RABL3: variants seen among roughly 807,000 people sequenced by gnomAD.
RABL3 encodes RAB, member of RAS oncogene family like 3, also known as rab-like protein 3.
A neutral mutation model predicts 31.8 loss-of-function variants in RABL3; 31 were observed. That is an observed-to-expected ratio of 0.97 (90% CI 0.73 to 1.31). The LOEUF (loss-of-function observed/expected upper bound fraction) is 1.31, where lower values mean the gene tolerates loss of function less well. Ranked by LOEUF, RABL3 falls within the 40% of genes most tolerant of loss-of-function variation. The probability of loss-of-function intolerance (pLI) is 0.00; values close to 1 mark genes in which losing one functional copy is unlikely to be tolerated. For synonymous variants in RABL3, 97 were observed against 99.9 expected, an observed-to-expected ratio of 0.97 and a Z score of 0.18; for missense variants, 263 against 279.6, an observed-to-expected ratio of 0.94 and a Z score of 0.42.
rs780004304 is a variant in RABL3, at chr3:120,709,959, G to C, written c.139-50C>G. 32 of 1,359,902 alleles carry C rather than the reference G, an allele frequency of 2.4e-5. No homozygotes were observed. In the South Asian group the frequency reaches 4.1e-4, roughly 18 times the overall value. The allele number at this position is 1,359,902 out of a possible 1,614,324, so 84.2% of individuals were successfully genotyped here. A position where few individuals can be genotyped will look rare whatever the true frequency, so the allele number is the denominator to read the frequency against. ...ATTAATATAGCCACTAAACAAACTA[G>C]TAAGTACCCTTATTCCGGTTTAAAG... On this transcript the variant is annotated intron_variant, in intron 2 of 7. Coordinates refer to ENST00000273375, the MANE Select transcript of RABL3 (RefSeq NM_173825.5).
At chr3:120,723,254 G>A (rs1708771151) in intron 2 of RABL3, among the ~76,000 whole-genome samples, 1 of 152,188 alleles carries the variant, frequency 6.6e-6, no homozygotes, top group South Asian at 2.1e-4. Flanking sequence ...CCAGGAAGAA[G>A]TTGAACCTCT....
intron 2 of RABL3, among the ~76,000 whole-genome samples, chr3:120,725,165 A>G (rs1708802255): frequency 6.6e-6 from 1 of 152,206 alleles, no homozygotes; most frequent in Non-Finnish European, 1.5e-5. Flanking sequence ...TCAAAAGAAG[A>G]CATTTATGCA....
intron 6 of RABL3, among the ~76,000 whole-genome samples, chr3:120,691,755 A>G (rs1336441205): frequency 6.6e-6 from 1 of 152,228 alleles, no homozygotes; most frequent in African/African-American, 2.4e-5. Flanking sequence ...TCAGCTGGAG[A>G]TGAACTCTAA....
intron 3 of RABL3, among the ~76,000 whole-genome samples, chr3:120,708,756 C>T (rs1427184718): frequency 6.6e-6 from 1 of 150,852 alleles, no homozygotes; most frequent in Non-Finnish European, 1.5e-5. Flanking sequence ...ATTTTTGTCT[C>T]ATTTATGAAT....
chr3:120,726,348 G>T (rs747747376), intron 2 of RABL3, among the ~76,000 whole-genome samples: 1 of 152,060 alleles, frequency 6.6e-6, no homozygotes, highest in Non-Finnish European at 1.5e-5. Context: ...TTTAGGGCCC[G>T]GCATGGTGGC....
intron 6 of RABL3, among the ~76,000 whole-genome samples, chr3:120,692,181 C>T (rs959661637): frequency 8.0e-5 from 12 of 150,666 alleles, no homozygotes; most frequent in African/African-American, 2.7e-4. Flanking sequence ...AGTTAGACTT[C>T]CTTTTGGAGA....
Position 120,687,578 on chromosome 3 carries a change from T to C in RABL3, c.*2245A>G, listed in dbSNP as rs1708326259. 1 of 152,210 alleles carries C rather than the reference T, an allele frequency of 6.6e-6. No homozygotes were observed. Among genetic ancestry groups the C allele is most frequent in the Non-Finnish European group, 1.5e-5 (1 of 68,036 alleles). 9.4% of individuals were successfully genotyped at this position (152,210 alleles called of 1,614,324 possible). ...TTTTGAATAACTCTAGCTAATAACA[T>C]TCATTTGCGCAAAAAGCCTTATTAT... On this transcript the variant is annotated 3_prime_UTR_variant, in exon 8 of 8. Transcript: ENST00000273375.
intron 6 of RABL3, among the ~76,000 whole-genome samples, chr3:120,691,173 A>C (rs41374647): frequency 0.32 from 49,245 of 152,106 alleles, 8,482 homozygotes; most frequent in Middle Eastern, 0.45. Flanking sequence ...TCCAAATGTA[A>C]TAAGTTTAAG....
chr3:120,703,937 T>G (rs1040786997), intron 4 of RABL3, among the ~76,000 whole-genome samples: 3 of 152,104 alleles, frequency 2.0e-5, no homozygotes, highest in African/African-American at 7.2e-5. Context: ...ATAAGAAACC[T>G]CCAGGCCCAG....
intron 1 of RABL3, among the ~76,000 whole-genome samples, chr3:120,731,082 A>G (rs767965047): frequency 1.3e-4 from 19 of 151,560 alleles, no homozygotes; most frequent in Non-Finnish European, 2.5e-4. Context: ...ACAAGTTCCC[A>G]AGTGATACTG....
intron 5 of RABL3, among the ~76,000 whole-genome samples, chr3:120,696,091 C>T (rs1332106527): frequency 6.6e-6 from 1 of 152,130 alleles, no homozygotes; most frequent in African/African-American, 2.4e-5. Context: ...AAATACGTAA[C>T]AGAGAAAAGT....
intron 2 of RABL3, among the ~76,000 whole-genome samples, chr3:120,725,571 G>C (rs1418990313): frequency 6.6e-6 from 1 of 152,208 alleles, no homozygotes; most frequent in Non-Finnish European, 1.5e-5. Flanking sequence ...TGGTAGAGTG[G>C]ATTAAGAAAA....
chr3:120,717,820 T>C (rs915229882), intron 2 of RABL3, among the ~76,000 whole-genome samples: 1 of 152,196 alleles, frequency 6.6e-6, no homozygotes, highest in African/African-American at 2.4e-5. Context: ...TAAAACTTGG[T>C]CAGTGTCTTG....
chr3:120,705,420 C>A (rs1370017176), intron 4 of RABL3, among the ~76,000 whole-genome samples: 1 of 152,078 alleles, frequency 6.6e-6, no homozygotes, highest in African/African-American at 2.4e-5. Flanking sequence ...ATTAAGACAG[C>A]GTAGTACTGG....
chr3:120,688,283 T>G lies in RABL3; in HGVS notation c.*1540A>C, dbSNP rs1339608680. On this transcript the variant is annotated 3_prime_UTR_variant, in exon 8 of 8. Coordinates refer to ENST00000273375, the MANE Select transcript of RABL3 (RefSeq NM_173825.5). Reference sequence around the variant, plus strand: ...CTGTACAGCCTATGCAACAACATACTTGTGACCAATTCTACATACAGATCA... The same window carrying G: ...CTGTACAGCCTATGCAACAACATACGTGTGACCAATTCTACATACAGATCA... 6.6e-6 allele frequency: 1 copy of G among 152,624 alleles called. No homozygotes were observed. Among genetic ancestry groups the G allele is most frequent in the African/African-American group, 2.4e-5 (1 of 41,444 alleles). 9.5% of individuals were successfully genotyped at this position (152,624 alleles called of 1,614,324 possible).
intron 6 of RABL3, among the ~76,000 whole-genome samples, chr3:120,692,082 G>A (rs1026126349): frequency 6.6e-6 from 1 of 152,218 alleles, no homozygotes; most frequent in Non-Finnish European, 1.5e-5. Flanking sequence ...GAAGGAGACT[G>A]ATTCCCTTTC....
At chr3:120,735,906 G>A (rs1044227477) in intron 1 of RABL3, among the ~76,000 whole-genome samples, 1 of 152,218 alleles carries the variant, frequency 6.6e-6, no homozygotes, top group Admixed American at 6.5e-5. Context: ...TGTGGTCTGA[G>A]AGACAGTTTG....
intron 2 of RABL3, among the ~76,000 whole-genome samples, chr3:120,728,701 A>G (rs1708849959): frequency 6.6e-6 from 1 of 152,130 alleles, no homozygotes; most frequent in African/African-American, 2.4e-5. Context: ...TTAAAGTATA[A>G]TAATAATAAA....
chr3:120,717,809 C>T (rs555649269), intron 2 of RABL3, among the ~76,000 whole-genome samples: 7 of 152,190 alleles, frequency 4.6e-5, no homozygotes, highest in Non-Finnish European at 8.8e-5. Context: ...GCTATTACTT[C>T]TAAAACTTGG....
Sources: allele counts gnomAD v4.1 joint callset (sites outside exome capture counted in the v4.1 genomes callset), GRCh38; gene constraint gnomAD v4.1.1; transcripts MANE v1.5; gene names NCBI Gene and HGNC (gene_info 2026-07-23, HGNC 2026-07-21).